Variants in SH2D4B observed in about 807,000 individuals in gnomAD.
SH2D4B encodes the protein SH2 domain containing 4B, also known as SH2 domain-containing protein 4B.
In SH2D4B, 45 loss-of-function variants were observed where a neutral mutation model predicts 61.5. The ratio of observed to expected loss-of-function variants is 0.73; its 90% CI spans 0.58 to 0.94. SH2D4B has a LOEUF of 0.94. Ranked by LOEUF, SH2D4B falls within the 40% of genes least tolerant of loss-of-function variation. SH2D4B has a pLI of 0.00. For missense variants in SH2D4B, 572 were observed against 574.2 expected, an observed-to-expected ratio of 1.00 and a Z score of 0.04; for synonymous variants, 224 against 220.4, an observed-to-expected ratio of 1.02 and a Z score of -0.14.
chr10:80,646,007 C>T lies in SH2D4B; in HGVS notation c.*1922C>T, dbSNP rs868421751. 1 of 152,408 alleles carries T rather than the reference C, an allele frequency of 6.6e-6. No homozygotes were observed. The highest frequency in any genetic ancestry group is 1.9e-4 in the East Asian group (1 of 5,202). 9.4% of individuals were successfully genotyped at this position (152,408 alleles called of 1,614,324 possible). On this transcript the variant is annotated 3_prime_UTR_variant, in exon 8 of 8. Coordinates refer to ENST00000646907, the MANE Select transcript of SH2D4B (RefSeq NM_001388272.1). Reference sequence around the variant, plus strand: ...TAGTTTTGGCTCTCTGATTTACCAACTATGTGACTTTGTCCAAGTCATTTA... The same window carrying T: ...TAGTTTTGGCTCTCTGATTTACCAATTATGTGACTTTGTCCAAGTCATTTA...
chr10:80,599,797 G>A (rs1055458723), intron 4 of SH2D4B, among the ~76,000 whole-genome samples: 7 of 152,150 alleles, frequency 4.6e-5, no homozygotes, highest in Admixed American at 1.3e-4. Flanking sequence ...CCAGCAGGCC[G>A]AGTCACAAAA....
At chr10:80,604,155 T>C (rs1842488107) in intron 5 of SH2D4B, among the ~76,000 whole-genome samples, 1 of 152,170 alleles carries the variant, frequency 6.6e-6, no homozygotes, top group Admixed American at 6.5e-5. Context: ...TAGTGAGACC[T>C]CAGATGGGTA....
At chr10:80,543,367 C>T (rs1167269236) in intron 1 of SH2D4B, among the ~76,000 whole-genome samples, 1 of 152,100 alleles carries the variant, frequency 6.6e-6, no homozygotes, top group East Asian at 1.9e-4. Context: ...CCGGCCCCAC[C>T]GGCCCGGGGC....
At chr10:80,573,276 G>A (rs1035299638) in intron 3 of SH2D4B, among the ~76,000 whole-genome samples, 5 of 151,246 alleles carry the variant, frequency 3.3e-5, no homozygotes, top group African/African-American at 4.9e-5. Context: ...GTGAACCACC[G>A]TGCCCGGCCT....
chr10:80,595,550 GCC>G (rs1182605999), intron 4 of SH2D4B, among the ~76,000 whole-genome samples: 2 of 152,156 alleles, frequency 1.3e-5, no homozygotes, highest in African/African-American at 4.8e-5. Context: ...CAACACTATT[GCC>G]CTGGCCTAGT....
chr10:80,613,760 A>G (rs6586107), intron 6 of SH2D4B, among the ~76,000 whole-genome samples: 77,604 of 152,074 alleles, frequency 0.51, 20,796 homozygotes, highest in East Asian at 0.74. Context: ...CAGCTTTCTT[A>G]TGAGATGCGA....
chr10:80,578,288 T>C (rs1474255582), intron 3 of SH2D4B, among the ~76,000 whole-genome samples: 1 of 152,220 alleles, frequency 6.6e-6, no homozygotes, highest in African/African-American at 2.4e-5. Context: ...TTCTGAGTCT[T>C]GCTTGTAGGA....
chr10:80,592,556 G>A (rs911367236), intron 4 of SH2D4B, among the ~76,000 whole-genome samples: 1 of 152,140 alleles, frequency 6.6e-6, no homozygotes, highest in Non-Finnish European at 1.5e-5. Context: ...TTTTGTGTGA[G>A]GTAGGGTTCC....
At chr10:80,555,370 T>A (rs1322790658) in intron 1 of SH2D4B, among the ~76,000 whole-genome samples, 1 of 151,542 alleles carries the variant, frequency 6.6e-6, no homozygotes, top group African/African-American at 2.4e-5. Flanking sequence ...TCTCCCTGCC[T>A]ACTGTTCACA....
At chr10:80,577,054 A>G (rs1179066722) in intron 3 of SH2D4B, among the ~76,000 whole-genome samples, 1 of 152,268 alleles carries the variant, frequency 6.6e-6, no homozygotes, top group African/African-American at 2.4e-5. Context: ...GGCATGAGCC[A>G]CTGCGCCTGG....
At chr10:80,584,836 A>G (rs1842224881) in intron 3 of SH2D4B, among the ~76,000 whole-genome samples, 4 of 152,236 alleles carry the variant, frequency 2.6e-5, no homozygotes, top group Admixed American at 6.5e-5. Flanking sequence ...TGTGCCAAAA[A>G]AGAAAGGCAA....
rs747930484 is a variant in SH2D4B, at chr10:80,633,520, T to G, written c.989-765T>G. On this transcript the variant is annotated intron_variant, in intron 6 of 7. Coordinates refer to ENST00000646907, the MANE Select transcript of SH2D4B (RefSeq NM_001388272.1). Reference sequence around the variant, plus strand: ...GTGGGGGTAATCCAGGTCTTCTGGCTTCCCCTCCTCTTCCCACCTACTTGC... The same window carrying G: ...GTGGGGGTAATCCAGGTCTTCTGGCGTCCCCTCCTCTTCCCACCTACTTGC... 4.6e-5 allele frequency among the ~76,000 whole-genome samples: 7 copies of G among 152,184 alleles called. 1 individual carries two copies. Among genetic ancestry groups the G allele is most frequent in the Non-Finnish European group, 1.0e-4 (7 of 68,022 alleles).
chr10:80,585,112 A>G (rs777175643), intron 3 of SH2D4B, among the ~76,000 whole-genome samples: 2 of 152,234 alleles, frequency 1.3e-5, no homozygotes, highest in Non-Finnish European at 2.9e-5. Context: ...ACACACAGGT[A>G]TAACTTTTTT....
intron 1 of SH2D4B, among the ~76,000 whole-genome samples, chr10:80,561,212 A>T (rs1176303468): frequency 6.6e-6 from 1 of 152,220 alleles, no homozygotes; most frequent in African/African-American, 2.4e-5. Flanking sequence ...AAATAAAGTG[A>T]ATCTGTCACT....
At position 80,605,168 on chromosome 10, in the gene SH2D4B, T is replaced by C. The variant is rs544149671; in HGVS notation, c.860+1373T>C. 4.6e-5 allele frequency among the ~76,000 whole-genome samples: 7 copies of C among 152,066 alleles called. No homozygotes were observed. The South Asian group carries it at 1.0e-3, about 23-fold the overall frequency. ...CATGAAAGGCCTTATTCCTCCTCTT[T>C]TTTTTTTGTGGAAAAGTTTGCATTT... On this transcript the variant is annotated intron_variant, in intron 5 of 7. Coordinates refer to ENST00000646907, the MANE Select transcript of SH2D4B (RefSeq NM_001388272.1).
intron 3 of SH2D4B, among the ~76,000 whole-genome samples, chr10:80,578,469 C>T (rs987247468): frequency 6.6e-6 from 1 of 151,908 alleles, no homozygotes; most frequent in Non-Finnish European, 1.5e-5. Context: ...AACCACACCC[C>T]GGGGAGTATA....
rs1840380228 is a variant in SH2D4B, at chr10:80,645,333, T to G, written c.*1248T>G. ...CAAGCCACCAGCACTATAACCAGTT[T>G]TGCGTGGGTTCTGCTCTTCCTCCCT... On this transcript the variant is annotated 3_prime_UTR_variant, in exon 8 of 8. Coordinates refer to ENST00000646907, the MANE Select transcript of SH2D4B (RefSeq NM_001388272.1). 1 of 152,258 alleles carries G rather than the reference T, an allele frequency of 6.6e-6. No homozygotes were observed. Among genetic ancestry groups the G allele is most frequent in the African/African-American group, 2.4e-5 (1 of 41,466 alleles). 9.4% of individuals were successfully genotyped at this position (152,258 alleles called of 1,614,324 possible).
chr10:80,644,236 T>C lies in SH2D4B; in HGVS notation c.*151T>C. 1 of 638,298 alleles carries C rather than the reference T, an allele frequency of 1.6e-6. No homozygotes were observed. The highest frequency in any genetic ancestry group is 2.7e-6 in the Non-Finnish European group (1 of 366,108). The allele number at this position is 638,298 out of a possible 1,614,324, so 39.5% of individuals were successfully genotyped here. On this transcript the variant is annotated 3_prime_UTR_variant, in exon 8 of 8. Coordinates refer to ENST00000646907, the MANE Select transcript of SH2D4B (RefSeq NM_001388272.1). The stretch of plus-strand genomic sequence containing the variant: ...TATGCCTCAAGGGATATGACATCTA[T>C]GGCATAGGGCTACTGGTCTCATCCC...
At chr10:80,562,894 CTTTTTTTT>C (rs34539206) in intron 1 of SH2D4B, among the ~76,000 whole-genome samples, 2,884 of 75,038 alleles carry the variant, frequency 0.038, 71 homozygotes, top group African/African-American at 0.14. Context: ...AACATTTTTT[CTTTTTTTT>C]TTTTTTTTTT....
Sources: gnomAD v4.1 joint callset for allele counts (sites outside exome capture counted in the v4.1 genomes callset) on GRCh38, gnomAD v4.1.1 for gene constraint, MANE v1.5 for transcripts, NCBI Gene and HGNC (gene_info 2026-07-23, HGNC 2026-07-21) for gene names.